ESRP1: variants seen among roughly 807,000 people sequenced by gnomAD.
ESRP1 encodes epithelial splicing regulatory protein 1.
In ESRP1, 33 loss-of-function variants were observed where a neutral mutation model predicts 81.7. That is an observed-to-expected ratio of 0.40 (90% CI 0.31 to 0.54). ESRP1 has a LOEUF of 0.54. Ranked by LOEUF, ESRP1 falls within the 20% of genes least tolerant of loss-of-function variation. The pLI is 0.41. For synonymous variants in ESRP1, 320 were observed against 303.3 expected, an observed-to-expected ratio of 1.06 and a Z score of -0.57; for missense variants, 672 against 833.1, an observed-to-expected ratio of 0.81 and a Z score of 2.38.
intron 4 of ESRP1, among the ~76,000 whole-genome samples, chr8:94,649,114 A>G (rs1242600373): frequency 6.6e-6 from 1 of 152,240 alleles, no homozygotes; most frequent in East Asian, 1.9e-4. Context: ...CCAGCTACTC[A>G]GTAGGCTGAG....
intron 6 of ESRP1, among the ~76,000 whole-genome samples, chr8:94,663,081 C>T (rs1411755659): frequency 6.6e-6 from 1 of 152,126 alleles, no homozygotes; most frequent in Non-Finnish European, 1.5e-5. Context: ...TTTAGTCACC[C>T]TGACCTTAAG....
At chr8:94,691,182 T>C (rs971577722) in intron 13 of ESRP1, among the ~76,000 whole-genome samples, 2 of 152,214 alleles carry the variant, frequency 1.3e-5, no homozygotes, top group South Asian at 2.1e-4. Flanking sequence ...CTTTAAAATA[T>C]ATTTATATCA....
chr8:94,686,089 T>G (rs1462804818), intron 13 of ESRP1, among the ~76,000 whole-genome samples: 1 of 152,046 alleles, frequency 6.6e-6, no homozygotes, highest in Non-Finnish European at 1.5e-5. Flanking sequence ...CCCACTACCC[T>G]GGCTAATTTT....
intron 15 of ESRP1, among the ~76,000 whole-genome samples, chr8:94,697,229 G>A (rs185669122): frequency 2.6e-5 from 4 of 152,102 alleles, no homozygotes; most frequent in South Asian, 2.1e-4. Context: ...CTCATGTGGA[G>A]TACAAGTTGG....
intron 14 of ESRP1, among the ~76,000 whole-genome samples, chr8:94,695,115 ATCT>A (rs1483073665): frequency 6.6e-6 from 1 of 152,102 alleles, no homozygotes; most frequent in Non-Finnish European, 1.5e-5. Flanking sequence ...ATGGGGTTCC[ATCT>A]TCTTTAGATT....
intron 2 of ESRP1, among the ~76,000 whole-genome samples, 156 bp downstream of exon 2, chr8:94,642,240 C>G (rs745332141): frequency 2.0e-5 from 3 of 152,178 alleles, no homozygotes; most frequent in Non-Finnish European, 4.4e-5. Flanking sequence ...CCGGGGCGCA[C>G]CGTTTGGGCG....
chr8:94,644,121 C>T (rs1352505390), intron 3 of ESRP1, among the ~76,000 whole-genome samples: 1 of 152,084 alleles, frequency 6.6e-6, no homozygotes, highest in African/African-American at 2.4e-5. Context: ...TACAGTCTTA[C>T]TATAGGTAAA....
intron 1 of ESRP1, 73 bp downstream of exon 1, chr8:94,641,523 G>A (rs570738623): frequency 5.0e-6 from 8 of 1,594,994 alleles, no homozygotes; most frequent in Admixed American, 1.7e-5. Flanking sequence ...GGGCGGGGAG[G>A]GGGGTGGAGG....
intron 13 of ESRP1, chr8:94,688,507 G>A (rs189731506): frequency 7.2e-4 from 159 of 219,756 alleles, no homozygotes; most frequent in Middle Eastern, 2.2e-3. Context: ...CTGCTTCCAC[G>A]TCATCAGTTT....
rs1292366691 is a variant in ESRP1, at chr8:94,674,625, G to C, written c.1651+119G>C. ...GAGGCAGGTGAGGTGGTTATATAAG[G>C]CTCTCCCATCTGTAATCAGTAGTAC... On this transcript the variant is annotated intron_variant, in intron 12 of 15. Transcript: ENST00000433389. 8 of 829,868 alleles carry C rather than the reference G, an allele frequency of 9.6e-6. No individual in the cohort carries two copies. In the East Asian group the frequency reaches 2.1e-4, roughly 22 times the overall value. 51.4% of individuals were successfully genotyped at this position (829,868 alleles called of 1,614,324 possible). A position where few individuals can be genotyped will look rare whatever the true frequency, so the allele number is the denominator to read the frequency against.
At chr8:94,678,065 A>G in intron 12 of ESRP1, 138 bp from the exon 13 acceptor site, 1 of 827,712 alleles carries the variant, frequency 1.2e-6, no homozygotes, top group East Asian at 2.7e-5. Context: ...TCAAAAGGAA[A>G]TTGCTTGGGA....
rs142603152 is a variant in ESRP1 at position 94,643,481 on chromosome 8, A to T, written c.375+65A>T. The T allele has an allele frequency of 1.2e-4, 131 of 1,111,472 alleles. No individual in the cohort carries two copies. The East Asian group carries it at 2.8e-3, about 24-fold the overall frequency. The allele number at this position is 1,111,472 out of a possible 1,614,324, so 68.9% of individuals were successfully genotyped here. A position where few individuals can be genotyped will look rare whatever the true frequency, so the allele number is the denominator to read the frequency against. On this transcript the variant is annotated intron_variant, in intron 3 of 15. Transcript: ENST00000433389. ...TTGGGGTGACTGGAGGTTTTTAAAA[A>T]TTTTTGGTTTATTCAAGTTTCTCTG...
intron 4 of ESRP1, among the ~76,000 whole-genome samples, chr8:94,656,411 G>T (rs541601786): frequency 4.2e-5 from 5 of 118,702 alleles, no homozygotes; most frequent in Non-Finnish European, 6.4e-5. Context: ...TAGTAGAGAC[G>T]GGGGTTTCAC....
chr8:94,689,442 G>A (rs563776378), intron 13 of ESRP1, among the ~76,000 whole-genome samples: 1 of 151,956 alleles, frequency 6.6e-6, no homozygotes, highest in East Asian at 1.9e-4. Flanking sequence ...GGTTGTTGTA[G>A]TGTATAGAAA....
chr8:94,649,868 T>C (rs981833787), intron 4 of ESRP1, among the ~76,000 whole-genome samples: 35 of 150,554 alleles, frequency 2.3e-4, no homozygotes, highest in African/African-American at 8.2e-4. Flanking sequence ...GCAGAAAGTA[T>C]AGTGTTCCTA....
At chr8:94,669,968 A>T (rs960162677) in intron 10 of ESRP1, among the ~76,000 whole-genome samples, 1 of 152,064 alleles carries the variant, frequency 6.6e-6, no homozygotes, top group African/African-American at 2.4e-5. Flanking sequence ...CATGACAAAC[A>T]TTCTTCCCAA....
intron 13 of ESRP1, among the ~76,000 whole-genome samples, chr8:94,681,431 A>G (rs915322653): frequency 2.0e-5 from 3 of 147,882 alleles, no homozygotes; most frequent in Non-Finnish European, 3.0e-5. Flanking sequence ...TGAGGTTAGG[A>G]GTTTGAGACC....
chr8:94,657,069 T>C (rs567810437), intron 4 of ESRP1, among the ~76,000 whole-genome samples: 5 of 152,348 alleles, frequency 3.3e-5, no homozygotes, highest in African/African-American at 1.2e-4. Flanking sequence ...CTCCTGTTAA[T>C]ATATAGACCA....
At chr8:94,673,008 G>C (rs1162041614) in intron 11 of ESRP1, among the ~76,000 whole-genome samples, 1 of 152,112 alleles carries the variant, frequency 6.6e-6, no homozygotes, top group Admixed American at 6.5e-5. Flanking sequence ...TGTCTCACTG[G>C]AAAGCCTGTA....
Sources: gnomAD v4.1 joint callset for allele counts (sites outside exome capture counted in the v4.1 genomes callset) on GRCh38, gnomAD v4.1.1 for gene constraint, MANE v1.5 for transcripts, NCBI Gene and HGNC (gene_info 2026-07-23, HGNC 2026-07-21) for gene names.